The following GLDC variants were observed in gnomAD, a reference collection of about 807,000 sequenced individuals.
GLDC encodes the protein glycine decarboxylase.
In GLDC, 104 loss-of-function variants were observed where a neutral mutation model predicts 121.3. That is an observed-to-expected ratio of 0.86 (90% CI 0.73 to 1.01). GLDC has a LOEUF of 1.01. Ranked by LOEUF, GLDC falls within the 50% of genes least tolerant of loss-of-function variation. GLDC has a pLI of 0.00. For synonymous variants in GLDC, 546 were observed against 480.6 expected (o/e 1.14, Z -1.78); for missense variants, 1,429 against 1,306.6 (o/e 1.09, Z -1.44).
rs577557264 is a variant in GLDC at position 6,629,881 on chromosome 9, T to A, written c.335-9562A>T. On this transcript the variant is annotated intron_variant, in intron 2 of 24. Transcript: ENST00000321612. ...ATCTTTGTGATGATTCACAAGAAAT[T>A]GATAATAAATACAAGATAATAGATG... Among the ~76,000 whole-genome samples the A allele has an allele frequency of 1.4e-4, 20 of 146,672 alleles. No homozygotes were observed. The South Asian group carries it at 3.2e-3, about 24-fold the overall frequency.
chr9:6,644,029 C>CAAAAAAAAAAAAAAAA (rs531081758), intron 2 of GLDC, among the ~76,000 whole-genome samples: 6 of 18,322 alleles, frequency 3.3e-4, no homozygotes, highest in South Asian at 4.0e-3. Flanking sequence ...GATTCTGTCT[C>CAAAAAAAAAAAAAAAA]AAAAAAAAAA....
At chr9:6,644,029 C>CAAAAAAAAAAAAAAAAAAAAAGAAAAAA (rs531081758) in intron 2 of GLDC, among the ~76,000 whole-genome samples, 1 of 18,334 alleles carries the variant, frequency 5.5e-5, no homozygotes, top group Non-Finnish European at 9.8e-5. Flanking sequence ...GATTCTGTCT[C>CAAAAAAAAAAAAAAAAAAAAAGAAAAAA]AAAAAAAAAA....
intron 3 of GLDC, among the ~76,000 whole-genome samples, chr9:6,616,643 C>T (rs1818972233): frequency 6.6e-6 from 1 of 152,138 alleles, no homozygotes. Context: ...AGAAAACATG[C>T]CTGTCATCTA....
chr9:6,592,047 A>T, intron 11 of GLDC, 96 bp downstream of exon 11: 2 of 793,212 alleles, frequency 2.5e-6, no homozygotes, highest in Non-Finnish European at 4.5e-6. Context: ...CCAGTGTCAC[A>T]CTTGGGCCCC....
chr9:6,603,088 C>G (rs1818651005), intron 7 of GLDC, among the ~76,000 whole-genome samples: 1 of 151,880 alleles, frequency 6.6e-6, no homozygotes, highest in Non-Finnish European at 1.5e-5. Flanking sequence ...ATTAGCCAGA[C>G]ATGGTGACAG....
chr9:6,534,422 C>G (rs1016737463), intron 24 of GLDC, among the ~76,000 whole-genome samples: 3 of 150,352 alleles, frequency 2.0e-5, no homozygotes, highest in African/African-American at 7.6e-5. Context: ...CACTGGGCGC[C>G]ATCTCCCTGT....
chr9:6,580,552 C>T (rs1274043956), intron 15 of GLDC, among the ~76,000 whole-genome samples: 1 of 152,170 alleles, frequency 6.6e-6, no homozygotes, highest in Non-Finnish European at 1.5e-5. Context: ...CCTTGCCAAG[C>T]CAGCATTCCC....
intron 16 of GLDC, among the ~76,000 whole-genome samples, chr9:6,561,584 G>A (rs1817760947): frequency 6.6e-6 from 1 of 152,186 alleles, no homozygotes; most frequent in Admixed American, 6.5e-5. Context: ...GGGAGGCGGA[G>A]GTTGCCATAA....
At chr9:6,593,459 T>A (rs899286814) in intron 9 of GLDC, among the ~76,000 whole-genome samples, 2 of 151,512 alleles carry the variant, frequency 1.3e-5, no homozygotes, top group East Asian at 3.9e-4. Context: ...CCATCACACC[T>A]GGCTAATAAT....
chr9:6,644,372 G>A (rs1185828306), intron 2 of GLDC, among the ~76,000 whole-genome samples: 4 of 151,922 alleles, frequency 2.6e-5, no homozygotes, highest in Non-Finnish European at 4.4e-5. Flanking sequence ...AAGCTCGCGG[G>A]GGCCCTAGGA....
intron 21 of GLDC, among the ~76,000 whole-genome samples, chr9:6,544,570 CG>C (rs971129244): frequency 2.2e-5 from 3 of 138,986 alleles, no homozygotes; most frequent in African/African-American, 8.2e-5. Context: ...GCCGGGGAGG[CG>C]GGGGTTGCAG....
chr9:6,539,032 T>C (rs991420080), intron 22 of GLDC, among the ~76,000 whole-genome samples: 1 of 151,152 alleles, frequency 6.6e-6, no homozygotes, highest in African/African-American at 2.4e-5. Flanking sequence ...AGTGAAACTA[T>C]TAAATTTAAA....
intron 15 of GLDC, among the ~76,000 whole-genome samples, chr9:6,566,815 ACTT>A (rs1055258766): frequency 1.3e-5 from 2 of 152,242 alleles, no homozygotes; most frequent in African/African-American, 4.8e-5. Flanking sequence ...AAATAAAATA[ACTT>A]TTTTTAATGT....
At chr9:6,601,477 C>G (rs1481861601) in intron 8 of GLDC, among the ~76,000 whole-genome samples, 1 of 152,134 alleles carries the variant, frequency 6.6e-6, no homozygotes, top group Non-Finnish European at 1.5e-5. Context: ...TGTTCAGGAT[C>G]TGAAGATGTG....
chr9:6,616,057 C>G (rs1358889026), intron 3 of GLDC, among the ~76,000 whole-genome samples: 1 of 152,176 alleles, frequency 6.6e-6, no homozygotes, highest in Non-Finnish European at 1.5e-5. Flanking sequence ...CCTCAGCCTC[C>G]CAAGGAGCTG....
intron 2 of GLDC, among the ~76,000 whole-genome samples, chr9:6,631,438 A>T (rs1033421071): frequency 1.3e-5 from 2 of 152,212 alleles, no homozygotes; most frequent in Non-Finnish European, 2.9e-5. Flanking sequence ...GGGACAAGGG[A>T]TGATATGTCT....
In GLDC at chr9:6,558,580, A is replaced by C. The variant is rs949464213; in HGVS notation, c.2031T>G (p.Asp677Glu). The change falls in exon 17 of 25, where the codon GAT becomes GAG. Residue 677 changes from aspartate (D) to glutamate (E), a missense_variant. Asp to Glu is a conservative substitution (Grantham distance 45, BLOSUM62 2). Transcript: ENST00000321612. ...GTACCATGGCCTTGAGGTGAACTGC[A>C]TCGATATTCCCATATTTATCCACCT... ...PVEVDKYGNI[D>E]AVHLKAMVDK... is the part of the protein sequence containing the mutation. 1.2e-6 allele frequency: 2 copies of C among 1,614,232 alleles called. No individual in the cohort carries two copies. The highest frequency in any genetic ancestry group is 1.7e-6 in the Non-Finnish European group (2 of 1,180,040).
chr9:6,534,653 G>C (rs762969885), intron 24 of GLDC, 55 bp downstream of exon 24: 1 of 883,360 alleles, frequency 1.1e-6, no homozygotes, highest in Non-Finnish European at 1.9e-6. Context: ...CACCCGTCAG[G>C]ATAGGAGCTG....
intron 7 of GLDC, among the ~76,000 whole-genome samples, chr9:6,604,031 TTTTTCTTTTC>T (rs1220849141): frequency 2.0e-5 from 3 of 152,074 alleles, no homozygotes; most frequent in Non-Finnish European, 4.4e-5. Flanking sequence ...CCCAGCCCTT[TTTTTCTTTTC>T]TTTTCTTTTT....
Sources: gnomAD v4.1 joint callset for allele counts (sites outside exome capture counted in the v4.1 genomes callset) on GRCh38, gnomAD v4.1.1 for gene constraint, MANE v1.5 for transcripts, NCBI Gene and HGNC (gene_info 2026-07-23, HGNC 2026-07-21) for gene names.